The following POU2F2 variants were observed in gnomAD, a reference collection of about 807,000 sequenced individuals.
The protein encoded by POU2F2 is POU domain, class 2, transcription factor 2.
In POU2F2, 14 loss-of-function variants were observed where a neutral mutation model predicts 63.5. The ratio of observed to expected loss-of-function variants is 0.22; its 90% confidence interval spans 0.15 to 0.34. The LOEUF (loss-of-function observed/expected upper bound fraction) is 0.34. Ranked by LOEUF, POU2F2 falls within the 10% of genes least tolerant of loss-of-function variation. The pLI is 1.00. For synonymous variants in POU2F2, 306 were observed against 348.6 expected (o/e 0.88, Z 1.36); for missense variants, 607 against 815.2 (o/e 0.74, Z 3.11).
At chr19:42,132,232 C>T in intron 1 of POU2F2, 152 bp downstream of exon 1, 3 of 811,594 alleles carry the variant, frequency 3.7e-6, no homozygotes, top group South Asian at 1.8e-5. Flanking sequence ...TGGGGGTTAG[C>T]GGGGACCCGG....
upstream of POU2F2, among the ~76,000 whole-genome samples, chr19:42,136,518 T>C (rs2034016281): frequency 6.6e-6 from 1 of 152,156 alleles, no homozygotes; most frequent in Admixed American, 6.6e-5. Context: ...ATATATTATT[T>C]CTAAGTCCTC....
chr19:42,195,068 A>AG (rs2035122174), intron 1 of POU2F2, among the ~76,000 whole-genome samples: 1 of 20,102 alleles, frequency 5.0e-5, no homozygotes, highest in Non-Finnish European at 9.4e-5. Flanking sequence ...GGAGGGAGGG[A>AG]GGAAGGAAGG....
In POU2F2 at chr19:42,095,477, C is replaced by T; in HGVS notation, c.1021-15G>A. ...GGCTTCTGGTTCTGCAGGCAGAGGG[C>T]TCGTTAGCCCGAGGCCCACCGCCCG... On this transcript the variant is annotated splice_polypyrimidine_tract_variant and intron_variant, in intron 10 of 14. Transcript: ENST00000692977. The surrounding 1 kb of genome is among the most constrained non-coding windows in gnomAD (Gnocchi z 7.1). The T allele has an allele frequency of 2.5e-6, 4 of 1,610,326 alleles. No homozygotes were observed. Among genetic ancestry groups the T allele is most frequent in the Admixed American group, 1.7e-5 (1 of 59,878 alleles).
rs568663585 is a variant in POU2F2 at position 42,148,807 on chromosome 19, T to C, written c.-9+11525A>G. ...CTCCACAAATGTCCCTTGAATCCTG[T>C]CTGTGTGGCAAGCAATGAACCAGAC... On this transcript the variant is annotated intron_variant, in intron 2 of 6. Coordinates refer to the POU2F2 transcript ENST00000524801. Among the ~76,000 whole-genome samples, 177 of 148,908 alleles carry C rather than the reference T, an allele frequency of 1.2e-3. 1 individual carries two copies. Among genetic ancestry groups the C allele is most frequent in the Non-Finnish European group, 2.2e-3 (145 of 67,258 alleles).
upstream of POU2F2, among the ~76,000 whole-genome samples, chr19:42,177,961 G>A (rs1285679397): frequency 2.0e-5 from 3 of 151,602 alleles, no homozygotes; most frequent in African/African-American, 7.3e-5. Context: ...ACAGAAAAGA[G>A]ACAGAGAAGG....
At chr19:42,140,938 G>A (rs895348471) in intron 2 of POU2F2, among the ~76,000 whole-genome samples, 7 of 152,128 alleles carry the variant, frequency 4.6e-5, no homozygotes, top group Middle Eastern at 3.2e-3. Context: ...CTCACCCTCA[G>A]AGCTCACCTT....
intron 2 of POU2F2, among the ~76,000 whole-genome samples, chr19:42,142,879 A>T (rs571155429): frequency 6.6e-6 from 1 of 152,126 alleles, no homozygotes; most frequent in African/African-American, 2.4e-5. Flanking sequence ...TCATTTTTTT[A>T]ATTAAAATTA....
chr19:42,119,401 G>A (rs567851084), intron 4 of POU2F2, among the ~76,000 whole-genome samples: 8 of 152,130 alleles, frequency 5.3e-5, no homozygotes, highest in South Asian at 2.1e-4. Flanking sequence ...TAGGCTGAGC[G>A]CGGTGGCTCG....
At chr19:42,107,224 G>A (rs1240667366) in intron 5 of POU2F2, among the ~76,000 whole-genome samples, 3 of 151,876 alleles carry the variant, frequency 2.0e-5, no homozygotes, top group Non-Finnish European at 2.9e-5. Context: ...GTGTGGTGGC[G>A]GGCGCCTGTA....
rs1020804782 is a variant in POU2F2, at chr19:42,132,299, G to C, written c.28+85C>G. The C allele has an allele frequency of 4.1e-6, 6 of 1,464,580 alleles. No individual in the cohort carries two copies. In the African/African-American group the frequency reaches 7.2e-5, roughly 18 times the overall value. 90.7% of individuals were successfully genotyped at this position (1,464,580 alleles called of 1,614,324 possible). On this transcript the variant is annotated intron_variant, in intron 1 of 14. Transcript: ENST00000692977. ...GGAGAAGGACAATGGAGACAGCTGA[G>C]GAGGAGGGGCAGGCAGGGCCCGCAG... is the stretch of plus-strand genomic sequence containing the variant.
At chr19:42,105,942 T>C (rs893229373) in intron 5 of POU2F2, among the ~76,000 whole-genome samples, 1 of 151,892 alleles carries the variant, frequency 6.6e-6, no homozygotes, top group African/African-American at 2.4e-5. Flanking sequence ...AAAAAAAACC[T>C]ATTGCCCTCT....
chr19:42,110,788 T>C (rs1275255359), intron 5 of POU2F2: 1 of 455,140 alleles, frequency 2.2e-6, no homozygotes, highest in South Asian at 1.6e-5. Flanking sequence ...ACAATATGTG[T>C]AGAATGTTTA....
At chr19:42,108,514 G>A (rs1367190865) in intron 5 of POU2F2, among the ~76,000 whole-genome samples, 3 of 152,112 alleles carry the variant, frequency 2.0e-5, no homozygotes, top group Non-Finnish European at 2.9e-5. Flanking sequence ...GGTCAAGGCT[G>A]CAGTGAGCCA....
chr19:42,176,771 C>G (rs149947026), upstream of POU2F2, among the ~76,000 whole-genome samples: 2,990 of 151,644 alleles, frequency 0.02, 98 homozygotes, highest in African/African-American at 0.068. Flanking sequence ...AGCCCCGGCG[C>G]CGGGCGCCGA....
At position 42,132,396 on chromosome 19, in the gene POU2F2, T is replaced by TAAGGG. The variant is rs1386858231; in HGVS notation, c.15_16insCCCTT (p.Met6ProfsTer8). Reference sequence around the variant, plus strand: ...CCAGCCCCCTTACCTGGAGCCCCCATGCTGGAGTGAACCATGCTGCCCGCC... The same window carrying TAAGGG: ...CCAGCCCCCTTACCTGGAGCCCCCATAAGGGGCTGGAGTGAACCATGCTGCCCGCC... On this transcript the variant is annotated frameshift_variant, in exon 1 of 15. Coordinates refer to ENST00000692977, the MANE Select transcript of POU2F2 (RefSeq NM_001394376.1). LOFTEE classifies it high-confidence loss of function. 6.4e-7 allele frequency: 1 copy of TAAGGG among 1,565,062 alleles called. No individual in the cohort carries two copies. Among genetic ancestry groups the TAAGGG allele is most frequent in the African/African-American group, 1.4e-5 (1 of 70,822 alleles).
chr19:42,116,336 C>T (rs2031853998), intron 5 of POU2F2, among the ~76,000 whole-genome samples: 1 of 152,078 alleles, frequency 6.6e-6, no homozygotes, highest in Non-Finnish European at 1.5e-5. Flanking sequence ...TTATTCTTAA[C>T]CTTTTGTTTT....
At chr19:42,188,669 C>CAAAA (rs998040622) in intron 1 of POU2F2, among the ~76,000 whole-genome samples, 1 of 38,130 alleles carries the variant, frequency 2.6e-5, no homozygotes, top group Non-Finnish European at 6.1e-5. Context: ...GAGTTCATCT[C>CAAAA]AAAAAAAAAA....
chr19:42,152,316 G>A lies in POU2F2; in HGVS notation c.-9+8016C>T, dbSNP rs966993878. ...AAGAAGAAGAGGGGGAGAATAAGGC[G>A]GGCCTCTTTTGGAGGGGGTGGGATG... On this transcript the variant is annotated intron_variant, in intron 2 of 6. Transcript: ENST00000524801. The surrounding 1 kb of genome is among the most constrained non-coding windows in gnomAD (Gnocchi z 4.1). Among the ~76,000 whole-genome samples the A allele has an allele frequency of 2.0e-5, 3 of 152,136 alleles. No individual in the cohort carries two copies. The highest frequency in any genetic ancestry group is 2.1e-4 in the South Asian group (1 of 4,830).
Position 42,151,385 on chromosome 19 carries a change from T to C in POU2F2, c.-9+8947A>G, listed in dbSNP as rs559442101. On this transcript the variant is annotated intron_variant, in intron 2 of 6. Transcript: ENST00000524801. ...AAGGCTAAGGTGATTCCTCAACCTC[T>C]CGGAGGCTGGGCTGGGAGGAGAGGA... Among the ~76,000 whole-genome samples the C allele has an allele frequency of 6.6e-5, 10 of 151,814 alleles. No individual in the cohort carries two copies. The South Asian group carries it at 2.1e-3, about 32-fold the overall frequency.
Sources: gnomAD v4.1 joint callset for allele counts (sites outside exome capture counted in the v4.1 genomes callset) on GRCh38, gnomAD v4.1.1 for gene constraint, Gnocchi (gnomAD v3.1) non-coding constraint, MANE v1.5 for transcripts, NCBI Gene and HGNC (gene_info 2026-07-23, HGNC 2026-07-21) for gene names.